Variants in NCKAP1 observed in about 807,000 individuals in gnomAD.
The protein encoded by NCKAP1 is nck-associated protein 1.
In NCKAP1, 21 loss-of-function variants were observed where a neutral mutation model predicts 151.2. That is an observed-to-expected ratio of 0.14 (90% confidence interval 0.10 to 0.20). NCKAP1 has a LOEUF of 0.20. NCKAP1 is among the 10% of genes least tolerant of loss of function. NCKAP1 has a pLI of 1.00. For synonymous variants in NCKAP1, 484 were observed against 451.8 expected (o/e 1.07, Z -0.90); for missense variants, 933 against 1,352.1 (o/e 0.69, Z 4.86).
intron 6 of NCKAP1, among the ~76,000 whole-genome samples, chr2:182,998,661 C>T (rs1698318532): frequency 6.6e-6 from 1 of 151,796 alleles, no homozygotes. Context: ...GAAACCCCAT[C>T]TCTACTAAAA....
intron 1 of NCKAP1, among the ~76,000 whole-genome samples, chr2:183,030,060 C>T (rs1248907895): frequency 1.3e-5 from 2 of 152,058 alleles, no homozygotes; most frequent in East Asian, 3.9e-4. Context: ...ATACCTGATT[C>T]CAAAACACTA....
At position 182,995,659 on chromosome 2, in the gene NCKAP1, A is replaced by C. The variant is rs1698254062; in HGVS notation, c.741+42T>G. On this transcript the variant is annotated intron_variant, in intron 7 of 30. Transcript: ENST00000361354. Reference sequence around the variant, plus strand: ...ATTACTGAACTATTATTTTTTTAAAAGTCACTTTATTTTCATTCAAAAGAG... The same window carrying C: ...ATTACTGAACTATTATTTTTTTAAACGTCACTTTATTTTCATTCAAAAGAG... 12 of 1,572,568 alleles carry C rather than the reference A, an allele frequency of 7.6e-6. No homozygotes were observed. The East Asian group carries it at 2.7e-4, about 35-fold the overall frequency.
chr2:182,982,715 C>T (rs556800930), intron 12 of NCKAP1, 106 bp downstream of exon 12: 9 of 724,510 alleles, frequency 1.2e-5, no homozygotes, highest in East Asian at 2.8e-5. Flanking sequence ...TGAATTTCAA[C>T]TTAACAATAT....
chr2:182,999,551 T>C (rs745503935), intron 6 of NCKAP1, among the ~76,000 whole-genome samples: 1 of 152,218 alleles, frequency 6.6e-6, no homozygotes, highest in Non-Finnish European at 1.5e-5. Flanking sequence ...ACACTGTTGG[T>C]GGTAATGCAA....
At chr2:183,009,270 G>A (rs1250972439) in intron 2 of NCKAP1, among the ~76,000 whole-genome samples, 3 of 151,796 alleles carry the variant, frequency 2.0e-5, no homozygotes, top group Admixed American at 6.6e-5. Flanking sequence ...AGCTACTCTG[G>A]AGGCTGAGGT....
chr2:183,028,286 C>A (rs1013734668), intron 1 of NCKAP1, among the ~76,000 whole-genome samples: 4 of 151,886 alleles, frequency 2.6e-5, no homozygotes, highest in Non-Finnish European at 4.4e-5. Context: ...AAAAACTCCC[C>A]CAAGTACCCT....
intron 1 of NCKAP1, among the ~76,000 whole-genome samples, chr2:183,032,716 T>A (rs1483032486): frequency 6.6e-6 from 1 of 152,168 alleles, no homozygotes. Flanking sequence ...AACTTAACAA[T>A]AGGGTTACAT....
At chr2:182,930,832 A>T (rs777194616) in intron 26 of NCKAP1, 44 bp from the exon 27 acceptor site, 44 of 1,521,442 alleles carry the variant, frequency 2.9e-5, no homozygotes, top group Non-Finnish European at 3.9e-5. Context: ...TAGTCTAACA[A>T]ATTTCTGAGA....
In NCKAP1 at chr2:182,909,695, A is replaced by G. The variant is rs1696358198; in HGVS notation, c.*16007T>C. The G allele has an allele frequency of 2.6e-5, 4 of 152,330 alleles. No homozygotes were observed. In the South Asian group the frequency reaches 8.3e-4, roughly 32 times the overall value. 9.4% of individuals were successfully genotyped at this position (152,330 alleles called of 1,614,324 possible). A position where few individuals can be genotyped will look rare whatever the true frequency, so the allele number is the denominator to read the frequency against. ...TTTTAAAGCCAAGGTTTCCTTGAGA[A>G]GATATTTAGGGCACAGGACACCAAA... On this transcript the variant is annotated 3_prime_UTR_variant, in exon 31 of 31. Coordinates refer to ENST00000361354, the MANE Select transcript of NCKAP1 (RefSeq NM_013436.5).
In NCKAP1 at chr2:182,911,792, T is replaced by C. The variant is rs1367452412; in HGVS notation, c.*13910A>G. The C allele has an allele frequency of 6.6e-6, 1 of 152,198 alleles. No individual in the cohort carries two copies. Among genetic ancestry groups the C allele is most frequent in the East Asian group, 1.9e-4 (1 of 5,200 alleles). The allele number at this position is 152,198 out of a possible 1,614,324, so 9.4% of individuals were successfully genotyped here. A position where few individuals can be genotyped will look rare whatever the true frequency, so the allele number is the denominator to read the frequency against. On this transcript the variant is annotated 3_prime_UTR_variant, in exon 31 of 31. Coordinates refer to ENST00000361354, the MANE Select transcript of NCKAP1 (RefSeq NM_013436.5). ...GCTTTTGGAGAAACTTGCCCTTATATACTCTCTTATAATTGCCTCAACAAA... is the reference window on the plus strand; with the variant it reads ...GCTTTTGGAGAAACTTGCCCTTATACACTCTCTTATAATTGCCTCAACAAA...
chr2:183,009,990 G>C (rs569772461), intron 2 of NCKAP1, among the ~76,000 whole-genome samples: 6 of 152,176 alleles, frequency 3.9e-5, no homozygotes, highest in Middle Eastern at 3.4e-3. Flanking sequence ...TAATTCAACT[G>C]TTTCACTTTA....
chr2:183,003,133 T>C (rs1698404610), intron 3 of NCKAP1, 100 bp downstream of exon 3: 2 of 1,303,244 alleles, frequency 1.5e-6, no homozygotes, highest in African/African-American at 3.0e-5. Context: ...TCTGGAAGAA[T>C]TTCAATTTTA....
intron 14 of NCKAP1, among the ~76,000 whole-genome samples, chr2:182,978,591 T>C (rs1005473722): frequency 6.6e-6 from 1 of 152,166 alleles, no homozygotes; most frequent in African/African-American, 2.4e-5. Context: ...AAAATGCAAA[T>C]GTTTTATTGT....
chr2:182,982,087 A>G (rs1697952240), intron 12 of NCKAP1, among the ~76,000 whole-genome samples: 1 of 152,180 alleles, frequency 6.6e-6, no homozygotes, highest in East Asian at 1.9e-4. Flanking sequence ...AATAAGACAC[A>G]TTTTAATGAC....
intron 15 of NCKAP1, among the ~76,000 whole-genome samples, chr2:182,970,078 G>A (rs145493329): frequency 6.6e-6 from 1 of 152,064 alleles, no homozygotes; most frequent in Non-Finnish European, 1.5e-5. Context: ...CAGAAAACCT[G>A]AAAGGACCAG....
intron 15 of NCKAP1, 68 bp from the exon 16 acceptor site, chr2:182,967,429 G>C (rs1009494794): frequency 1.5e-6 from 2 of 1,366,798 alleles, no homozygotes; most frequent in African/African-American, 3.0e-5. Context: ...TCATTTTACA[G>C]GGGGAAAAGC....
rs1195287760 is a variant in NCKAP1, at chr2:182,982,349, TAA to T, written c.1208+470_1208+471del. Among the ~76,000 whole-genome samples, 4 of 152,194 alleles carry T rather than the reference TAA, an allele frequency of 2.6e-5. 1 individual carries two copies. In the South Asian group the frequency reaches 8.3e-4, roughly 31 times the overall value. ...CTTCAAAATAATTTTGCTTCAAATA[TAA>T]GTCTCCAGATTCCCCAGCCCACAAA... On this transcript the variant is annotated intron_variant, in intron 12 of 30. Coordinates refer to ENST00000361354, the MANE Select transcript of NCKAP1 (RefSeq NM_013436.5).
Position 182,912,753 on chromosome 2 carries a change from C to T in NCKAP1, c.*12949G>A, listed in dbSNP as rs1278039498. 9 of 152,094 alleles carry T rather than the reference C, an allele frequency of 5.9e-5. No homozygotes were observed. Among genetic ancestry groups the T allele is most frequent in the Non-Finnish European group, 1.3e-4 (9 of 68,012 alleles). The allele number at this position is 152,094 out of a possible 1,614,324, so 9.4% of individuals were successfully genotyped here. A position where few individuals can be genotyped will look rare whatever the true frequency, so the allele number is the denominator to read the frequency against. On this transcript the variant is annotated 3_prime_UTR_variant, in exon 31 of 31. Transcript: ENST00000361354. The stretch of plus-strand genomic sequence containing the variant: ...ACACGCTCTAACCTTTATAGCTTTT[C>T]ACTTACTCTGTTAAGCATGCCTTGC...
chr2:183,002,950 C>T (rs1473057800), intron 4 of NCKAP1, 24 bp downstream of exon 4: 2 of 1,577,976 alleles, frequency 1.3e-6, no homozygotes, highest in Admixed American at 3.4e-5. Flanking sequence ...AATAATTGGA[C>T]ATTTTTCTGA....
Sources: gnomAD v4.1 joint callset for allele counts (sites outside exome capture counted in the v4.1 genomes callset) on GRCh38, gnomAD v4.1.1 for gene constraint, MANE v1.5 for transcripts, NCBI Gene and HGNC (gene_info 2026-07-23, HGNC 2026-07-21) for gene names.